Variants in CSMD1 observed in about 807,000 individuals in gnomAD.
CSMD1 encodes the protein CUB and sushi domain-containing protein 1.
A neutral mutation model predicts 417.5 loss-of-function variants in CSMD1; 213 were observed. That is an observed-to-expected ratio of 0.51 (90% confidence interval 0.46 to 0.57). CSMD1 has a LOEUF of 0.57. Among genes scored for constraint, CSMD1 ranks in the 20% least tolerant of loss-of-function variants. The pLI is 0.00. For synonymous variants in CSMD1, 2,862 were observed against 1,736.8 expected, an observed-to-expected ratio of 1.65 and a Z score of -16.11; for missense variants, 6,923 against 4,529.7, an observed-to-expected ratio of 1.53 and a Z score of -15.17.
chr8:3,656,206 G>C (rs1798095417), intron 7 of CSMD1, among the ~76,000 whole-genome samples: 1 of 152,152 alleles, frequency 6.6e-6, no homozygotes, highest in South Asian at 2.1e-4. Flanking sequence ...CTATTCAGAA[G>C]CCGCTGTTAG....
intron 5 of CSMD1, among the ~76,000 whole-genome samples, chr8:3,845,727 C>G (rs34752770): frequency 6.6e-5 from 10 of 151,942 alleles, no homozygotes; most frequent in Non-Finnish European, 1.3e-4. Flanking sequence ...GATTTTTCAT[C>G]TTTTTTACTC....
intron 37 of CSMD1, among the ~76,000 whole-genome samples, chr8:3,167,170 A>T (rs890318159): frequency 6.6e-6 from 1 of 151,740 alleles, no homozygotes; most frequent in African/African-American, 2.4e-5. Flanking sequence ...CTGTAATCGC[A>T]GGTACTTGGG....
intron 5 of CSMD1, among the ~76,000 whole-genome samples, chr8:3,937,150 G>A (rs184977829): frequency 2.0e-5 from 3 of 152,102 alleles, no homozygotes; most frequent in African/African-American, 4.8e-5. Context: ...CAAAGAAAGT[G>A]GTTTCTTTAG....
intron 11 of CSMD1, among the ~76,000 whole-genome samples, chr8:3,493,412 G>C (rs1032380339): frequency 1.3e-5 from 2 of 151,530 alleles, no homozygotes; most frequent in African/African-American, 4.9e-5. Context: ...AATAATTGAA[G>C]AAAAACAGTC....
intron 3 of CSMD1, among the ~76,000 whole-genome samples, chr8:4,046,115 C>A (rs1181393328): frequency 6.6e-6 from 1 of 151,942 alleles, no homozygotes; most frequent in African/African-American, 2.4e-5. Context: ...TATTCTATAG[C>A]TCATATATAT....
rs1195098632 is a variant in CSMD1, at chr8:4,236,032, TTTG to T, written c.415+183918_415+183920del. Among the ~76,000 whole-genome samples the T allele has an allele frequency of 2.0e-4, 4 of 19,862 alleles. No homozygotes were observed. The Admixed American group carries it at 2.8e-3, about 14-fold the overall frequency. The allele number at this position is 19,862 out of a possible 152,430, so 13.0% of individuals were successfully genotyped here. A position where few individuals can be genotyped will look rare whatever the true frequency, so the allele number is the denominator to read the frequency against. On this transcript the variant is annotated intron_variant, in intron 3 of 69. Transcript: ENST00000635120. Reference sequence around the variant, plus strand: ...AAAGAGGTTAATGGATATTGTTTTTTTTGTTTGTTTTTTTTTTTTTTTTTTTTT... The same window carrying T: ...AAAGAGGTTAATGGATATTGTTTTTTTTTGTTTTTTTTTTTTTTTTTTTTT...
At chr8:3,159,686 C>G (rs1402817286) in intron 38 of CSMD1, among the ~76,000 whole-genome samples, 1 of 152,140 alleles carries the variant, frequency 6.6e-6, no homozygotes, top group Admixed American at 6.5e-5. Flanking sequence ...CAAAGCTTGG[C>G]ATTGTTTGTA....
At chr8:3,039,702 C>T (rs1810960455) in intron 50 of CSMD1, among the ~76,000 whole-genome samples, 1 of 152,120 alleles carries the variant, frequency 6.6e-6, no homozygotes, top group Admixed American at 6.6e-5. Context: ...TTCAGAAAGG[C>T]ATTTCACAGG....
chr8:3,242,386 A>AGAAG (rs1349859114), intron 26 of CSMD1, among the ~76,000 whole-genome samples: 1 of 151,852 alleles, frequency 6.6e-6, no homozygotes, highest in Non-Finnish European at 1.5e-5. Context: ...TAGGAGGGAA[A>AGAAG]GAAGGAAGAT....
chr8:4,894,931 A>C (rs1804378376), intron 1 of CSMD1, among the ~76,000 whole-genome samples: 1 of 152,216 alleles, frequency 6.6e-6, no homozygotes, highest in African/African-American at 2.4e-5. Context: ...ACTTTGAAAC[A>C]TAAGGCCAGG....
intron 46 of CSMD1, among the ~76,000 whole-genome samples, 191 bp downstream of exon 46, chr8:3,106,337 G>C (rs750326826): frequency 6.6e-6 from 1 of 152,096 alleles, no homozygotes; most frequent in Non-Finnish European, 1.5e-5. Flanking sequence ...GGTTGAGGCT[G>C]TGGTGAGCCA....
intron 25 of CSMD1, among the ~76,000 whole-genome samples, chr8:3,296,855 T>G (rs1281510989): frequency 6.6e-6 from 1 of 152,182 alleles, no homozygotes; most frequent in Admixed American, 6.5e-5. Context: ...TTGGACCTGT[T>G]GAGTTTAAGT....
intron 33 of CSMD1, among the ~76,000 whole-genome samples, chr8:3,190,956 T>G (rs1225783202): frequency 1.3e-5 from 2 of 152,176 alleles, no homozygotes; most frequent in Admixed American, 1.3e-4. Context: ...TGGTAGTTAC[T>G]GGGGGCTGGG....
chr8:3,074,561 C>T (rs542588778), intron 49 of CSMD1, among the ~76,000 whole-genome samples: 1 of 152,282 alleles, frequency 6.6e-6, no homozygotes, highest in African/African-American at 2.4e-5. Flanking sequence ...CAAGATAACC[C>T]AATATGTCAT....
At chr8:4,326,603 G>T (rs978900619) in intron 3 of CSMD1, among the ~76,000 whole-genome samples, 2 of 152,180 alleles carry the variant, frequency 1.3e-5, no homozygotes, top group African/African-American at 4.8e-5. Context: ...CTCCTACGGA[G>T]AAAACAGTAA....
At position 3,481,126 on chromosome 8, in the gene CSMD1, G is replaced by T. The variant is rs567647275; in HGVS notation, c.1449-12302C>A. On this transcript the variant is annotated intron_variant, in intron 11 of 69. Transcript: ENST00000635120. The stretch of plus-strand genomic sequence containing the variant: ...AGCCCAGATTAGCCACTGCACTCCA[G>T]CCTGGGCAACAGAGCGAGACTCCAT... Among the ~76,000 whole-genome samples, 198 of 130,218 alleles carry T rather than the reference G, an allele frequency of 1.5e-3. 2 individuals are homozygous for T. In the Middle Eastern group the frequency reaches 0.019, roughly 13 times the overall value. 85.4% of individuals were successfully genotyped at this position (130,218 alleles called of 152,430 possible).
intron 3 of CSMD1, among the ~76,000 whole-genome samples, chr8:4,398,894 T>A (rs1365195475): frequency 6.6e-6 from 1 of 152,180 alleles, no homozygotes; most frequent in Non-Finnish European, 1.5e-5. Context: ...CAATAAAAAA[T>A]AAAAGTCTCT....
intron 3 of CSMD1, among the ~76,000 whole-genome samples, chr8:4,304,292 T>G (rs1473026277): frequency 6.6e-6 from 1 of 152,334 alleles, no homozygotes; most frequent in South Asian, 2.1e-4. Context: ...GGTAACATGT[T>G]CAATATAGAA....
intron 3 of CSMD1, among the ~76,000 whole-genome samples, chr8:4,157,174 T>C (rs1030253774): frequency 2.0e-5 from 3 of 152,074 alleles, no homozygotes; most frequent in African/African-American, 7.2e-5. Context: ...GAAGAAGATT[T>C]TGGGACAAGT....
Sources: gnomAD v4.1 joint callset for allele counts (sites outside exome capture counted in the v4.1 genomes callset) on GRCh38, gnomAD v4.1.1 for gene constraint, MANE v1.5 for transcripts, NCBI Gene and HGNC (gene_info 2026-07-23, HGNC 2026-07-21) for gene names.